MAPKAP1: variants seen among roughly 807,000 people sequenced by gnomAD.
MAPKAP1 encodes target of rapamycin complex 2 subunit MAPKAP1.
Under a neutral mutation model 65.7 loss-of-function variants are expected in MAPKAP1, and 20 were observed. The ratio of observed to expected loss-of-function variants is 0.30; its 90% CI spans 0.21 to 0.44. MAPKAP1 has a LOEUF of 0.44. MAPKAP1 is among the 20% of genes least tolerant of loss of function. MAPKAP1 has a pLI of 1.00. For missense variants in MAPKAP1, 423 were observed against 648.0 expected, an observed-to-expected ratio of 0.65 and a Z score of 3.77; for synonymous variants, 222 against 244.3, an observed-to-expected ratio of 0.91 and a Z score of 0.85.
intron 9 of MAPKAP1, among the ~76,000 whole-genome samples, chr9:125,468,940 A>G (rs927345745): frequency 2.6e-5 from 4 of 152,242 alleles, no homozygotes; most frequent in Non-Finnish European, 5.9e-5. Flanking sequence ...GGGCCCTGGA[A>G]TAAGTGTGGA....
intron 5 of MAPKAP1, among the ~76,000 whole-genome samples, chr9:125,568,153 C>A (rs1831118400): frequency 1.3e-5 from 2 of 151,872 alleles, no homozygotes; most frequent in Non-Finnish European, 2.9e-5. Context: ...GGTTAGAGGC[C>A]CAACTTAGGA....
At chr9:125,455,364 G>A (rs922153891) in intron 10 of MAPKAP1, among the ~76,000 whole-genome samples, 2 of 152,164 alleles carry the variant, frequency 1.3e-5, no homozygotes, top group South Asian at 2.1e-4. Flanking sequence ...ATCTGATGGG[G>A]GATGTTCCCC....
At chr9:125,478,639 A>G (rs1194379017) in intron 9 of MAPKAP1, among the ~76,000 whole-genome samples, 2 of 151,316 alleles carry the variant, frequency 1.3e-5, no homozygotes, top group African/African-American at 2.5e-5. Context: ...CTGGGGGTGA[A>G]TTATTAATGA....
chr9:125,529,669 C>T (rs184908867), intron 7 of MAPKAP1, among the ~76,000 whole-genome samples: 1 of 152,294 alleles, frequency 6.6e-6, no homozygotes, highest in East Asian at 1.9e-4. Context: ...TTAATCACAT[C>T]TCACTGACTT....
At chr9:125,608,124 G>A (rs929886943) in intron 4 of MAPKAP1, among the ~76,000 whole-genome samples, 6 of 152,148 alleles carry the variant, frequency 3.9e-5, no homozygotes, top group African/African-American at 1.4e-4. Flanking sequence ...CTTACCCCAT[G>A]TCATAGTGTT....
chr9:125,545,211 G>C (rs1830388478), intron 6 of MAPKAP1, among the ~76,000 whole-genome samples: 1 of 152,164 alleles, frequency 6.6e-6, no homozygotes, highest in Admixed American at 6.5e-5. Flanking sequence ...TTATTTTACT[G>C]ATCAAAGCAA....
intron 8 of MAPKAP1, among the ~76,000 whole-genome samples, chr9:125,492,360 T>C (rs1057321758): frequency 2.6e-5 from 4 of 152,214 alleles, no homozygotes; most frequent in Non-Finnish European, 5.9e-5. Flanking sequence ...TGGACAATAA[T>C]AATGGGAAAC....
rs1832090036 is a variant in MAPKAP1 at position 125,595,204 on chromosome 9, T to C, written c.499-9477A>G. ...TACTAAGTCAAAGACTATGAATGTT[T>C]TGTAACTTGTGATATATACTGGAAA... On this transcript the variant is annotated intron_variant, in intron 4 of 11. Transcript: ENST00000265960. The surrounding 1 kb of genome is among the most constrained non-coding windows in gnomAD (Gnocchi z 4.0). 6.6e-6 allele frequency among the ~76,000 whole-genome samples: 1 copy of C among 152,192 alleles called. No homozygotes were observed. The highest frequency in any genetic ancestry group is 6.5e-5 in the Admixed American group (1 of 15,282).
chr9:125,677,696 A>AAAT (rs890082467), intron 1 of MAPKAP1, among the ~76,000 whole-genome samples: 10 of 152,032 alleles, frequency 6.6e-5, no homozygotes, highest in South Asian at 2.1e-4. Flanking sequence ...TCTGTCTCAA[A>AAAT]AATAATAATA....
chr9:125,465,746 A>G (rs1337156788), intron 10 of MAPKAP1, among the ~76,000 whole-genome samples: 2 of 152,176 alleles, frequency 1.3e-5, no homozygotes, highest in African/African-American at 4.8e-5. Context: ...GTGGGCCTCC[A>G]ATGGATAAAT....
intron 10 of MAPKAP1, among the ~76,000 whole-genome samples, chr9:125,459,156 G>A (rs1224479555): frequency 1.5e-3 from 223 of 147,190 alleles, no homozygotes; most frequent in African/African-American, 5.0e-3. Flanking sequence ...CCGGGCAGAG[G>A]CGCTCCTCAC....
chr9:125,528,885 C>T (rs1589260580), intron 7 of MAPKAP1, among the ~76,000 whole-genome samples: 1 of 139,498 alleles, frequency 7.2e-6, no homozygotes, highest in African/African-American at 2.7e-5. Flanking sequence ...GAAGGACTAG[C>T]AGGGCGCAGT....
At chr9:125,671,874 C>A (rs1834507285) in intron 2 of MAPKAP1, among the ~76,000 whole-genome samples, 1 of 152,176 alleles carries the variant, frequency 6.6e-6, no homozygotes, top group Non-Finnish European at 1.5e-5. Context: ...TCCCCACTCC[C>A]CCACAATTCC....
chr9:125,618,172 T>G (rs1379072494), intron 4 of MAPKAP1, among the ~76,000 whole-genome samples: 1 of 151,284 alleles, frequency 6.6e-6, no homozygotes, highest in East Asian at 1.9e-4. Flanking sequence ...TGAAACCCCA[T>G]CTCTAATAAA....
chr9:125,649,212 C>T (rs953021415), intron 4 of MAPKAP1, among the ~76,000 whole-genome samples: 8 of 152,136 alleles, frequency 5.3e-5, no homozygotes, highest in African/African-American at 1.9e-4. Flanking sequence ...CTGGGCTAGA[C>T]CTCAGTGCTC....
intron 10 of MAPKAP1, among the ~76,000 whole-genome samples, chr9:125,459,223 G>C (rs1373784646): frequency 9.0e-5 from 13 of 144,750 alleles, no homozygotes; most frequent in South Asian, 4.4e-4. Context: ...GATGGGCGGC[G>C]GGGCAGAGAG....
Position 125,507,853 on chromosome 9 carries a change from A to AT in MAPKAP1, c.959-1437dup, listed in dbSNP as rs1037374461. ...TTTTAAAATTATTGGTAGTAAATTC[A>AT]TTTTTTTTTAAAATTCTAATTTCAA... On this transcript the variant is annotated intron_variant, in intron 7 of 11. Transcript: ENST00000265960. 8.6e-5 allele frequency among the ~76,000 whole-genome samples: 13 copies of AT among 151,842 alleles called. No homozygotes were observed. In the East Asian group the frequency reaches 1.2e-3, roughly 14 times the overall value.
At chr9:125,618,776 G>A (rs2131645309) in intron 4 of MAPKAP1, among the ~76,000 whole-genome samples, 2 of 152,136 alleles carry the variant, frequency 1.3e-5, no homozygotes, top group Middle Eastern at 3.4e-3. Flanking sequence ...TGCAGTAAAG[G>A]GTCACTTAGA....
At chr9:125,668,990 C>G (rs1834419720) in intron 3 of MAPKAP1, among the ~76,000 whole-genome samples, 1 of 152,030 alleles carries the variant, frequency 6.6e-6, no homozygotes, top group African/African-American at 2.4e-5. Context: ...TCGAGAACAG[C>G]CTGGCATGGT....
Sources: gnomAD v4.1 joint callset for allele counts (sites outside exome capture counted in the v4.1 genomes callset) on GRCh38, gnomAD v4.1.1 for gene constraint, Gnocchi (gnomAD v3.1) non-coding constraint, MANE v1.5 for transcripts, NCBI Gene and HGNC (gene_info 2026-07-23, HGNC 2026-07-21) for gene names.